Variants in RTN1 observed in about 807,000 individuals in gnomAD.
RTN1 encodes reticulon 1, also known as reticulon-1.
In RTN1, 25 loss-of-function variants were observed where a neutral mutation model predicts 65.5. That is an observed-to-expected ratio of 0.38 (90% CI 0.28 to 0.53). The LOEUF (loss-of-function observed/expected upper bound fraction) is 0.53, where lower values mean the gene tolerates loss of function less well. RTN1 is among the 20% of genes least tolerant of loss of function. RTN1 has a pLI of 0.79. For synonymous variants in RTN1, 471 were observed against 447.6 expected (o/e 1.05, Z -0.66); for missense variants, 983 against 1,025.4 (o/e 0.96, Z 0.57).
chr14:59,776,155 C>T (rs1214366815), intron 1 of RTN1, among the ~76,000 whole-genome samples: 1 of 152,078 alleles, frequency 6.6e-6, no homozygotes, highest in Non-Finnish European at 1.5e-5. Flanking sequence ...TTCTCTCCTT[C>T]TTCCTGACAA....
intron 1 of RTN1, among the ~76,000 whole-genome samples, chr14:59,804,469 C>G (rs1198294738): frequency 6.6e-6 from 1 of 152,084 alleles, no homozygotes; most frequent in East Asian, 1.9e-4. Flanking sequence ...GATTGTAAAT[C>G]TATATTCATA....
chr14:59,763,708 T>G (rs1269907606), intron 1 of RTN1, among the ~76,000 whole-genome samples: 1 of 151,952 alleles, frequency 6.6e-6, no homozygotes, highest in Non-Finnish European at 1.5e-5. Context: ...AATTTTTGTA[T>G]TTTTAGTAGA....
chr14:59,602,374 T>A (rs900701150), intron 8 of RTN1, among the ~76,000 whole-genome samples: 7 of 152,124 alleles, frequency 4.6e-5, no homozygotes, highest in Admixed American at 4.6e-4. Context: ...ATAAGAGCTA[T>A]CACTTTAGAT....
intron 3 of RTN1, among the ~76,000 whole-genome samples, chr14:59,712,729 T>C (rs1166300118): frequency 6.6e-6 from 1 of 152,076 alleles, no homozygotes; most frequent in Non-Finnish European, 1.5e-5. Flanking sequence ...CTGGGCAACA[T>C]GGTGAAACCC....
chr14:59,850,100 C>T (rs906089071), intron 1 of RTN1, among the ~76,000 whole-genome samples: 12 of 152,200 alleles, frequency 7.9e-5, no homozygotes, highest in African/African-American at 2.9e-4. Flanking sequence ...ACACTCATTA[C>T]TTTCTTCCTC....
rs557846612 is a variant in RTN1, at chr14:59,649,908, C to A, written c.1766-42416G>T. Among the ~76,000 whole-genome samples, 422 of 152,178 alleles carry A rather than the reference C, an allele frequency of 2.8e-3. 3 individuals are homozygous for A. The highest frequency in any genetic ancestry group is 1.0e-2 in the African/African-American group (415 of 41,514). On this transcript the variant is annotated intron_variant, in intron 3 of 8. Coordinates refer to ENST00000267484, the MANE Select transcript of RTN1 (RefSeq NM_021136.3). ...AGCAATCCCATTACTGGGTATATACCCAAAGGATTATAAATCATTCTACCA... is the reference window on the plus strand; with the variant it reads ...AGCAATCCCATTACTGGGTATATACACAAAGGATTATAAATCATTCTACCA...
At chr14:59,787,216 C>A (rs1251675951) in intron 1 of RTN1, among the ~76,000 whole-genome samples, 6 of 152,010 alleles carry the variant, frequency 3.9e-5, no homozygotes, top group Non-Finnish European at 5.9e-5. Flanking sequence ...GGAGCTGAGC[C>A]CCCCTAGGGG....
rs928657751 is a variant in RTN1, at chr14:59,610,067, G to T, written c.1766-2575C>A. On this transcript the variant is annotated intron_variant, in intron 3 of 8. Coordinates refer to ENST00000267484, the MANE Select transcript of RTN1 (RefSeq NM_021136.3). ...CCTGAAAGGAGTTTTCAGACAAAGA[G>T]AAGATAGAATTTGCTATTTTCAAGT... 1.7e-5 allele frequency: 13 copies of T among 764,258 alleles called. No individual in the cohort carries two copies. In the South Asian group the frequency reaches 1.8e-4, roughly 11 times the overall value. 47.3% of individuals were successfully genotyped at this position (764,258 alleles called of 1,614,324 possible).
intron 1 of RTN1, among the ~76,000 whole-genome samples, chr14:59,783,437 G>C (rs1886193035): frequency 6.6e-6 from 1 of 152,128 alleles, no homozygotes; most frequent in Admixed American, 6.6e-5. Context: ...AATTTTGGAA[G>C]GGATGGAAGA....
At chr14:59,696,395 C>T (rs1196980538) in intron 3 of RTN1, among the ~76,000 whole-genome samples, 1 of 152,030 alleles carries the variant, frequency 6.6e-6, no homozygotes, top group Admixed American at 6.6e-5. Context: ...AGGTCAGTAG[C>T]ATAACCCAAT....
At chr14:59,674,392 A>G (rs1438789430) in intron 3 of RTN1, among the ~76,000 whole-genome samples, 1 of 152,256 alleles carries the variant, frequency 6.6e-6, no homozygotes, top group African/African-American at 2.4e-5. Flanking sequence ...AAACTACAGT[A>G]ACAAGTGGGA....
intron 1 of RTN1, among the ~76,000 whole-genome samples, chr14:59,817,787 C>A (rs756162041): frequency 6.6e-6 from 1 of 152,160 alleles, no homozygotes; most frequent in Non-Finnish European, 1.5e-5. Context: ...CAGCACATTG[C>A]GTTTTCTCTA....
At chr14:59,851,901 T>C (rs933076672) in intron 1 of RTN1, among the ~76,000 whole-genome samples, 3 of 151,446 alleles carry the variant, frequency 2.0e-5, no homozygotes, top group Non-Finnish European at 4.4e-5. Context: ...TTTCTGAGAA[T>C]TGATATGCAA....
At chr14:59,660,793 A>G (rs1883227681) in intron 3 of RTN1, among the ~76,000 whole-genome samples, 1 of 152,158 alleles carries the variant, frequency 6.6e-6, no homozygotes, top group African/African-American at 2.4e-5. Context: ...GGAAAGACCT[A>G]AAATTTACAC....
intron 1 of RTN1, among the ~76,000 whole-genome samples, chr14:59,769,549 G>A (rs1885914445): frequency 6.6e-6 from 1 of 152,176 alleles, no homozygotes; most frequent in African/African-American, 2.4e-5. Flanking sequence ...TGTAAAACCA[G>A]ACCCACAGCA....
At chr14:59,857,252 C>T (rs537491264) in intron 1 of RTN1, among the ~76,000 whole-genome samples, 1 of 152,250 alleles carries the variant, frequency 6.6e-6, no homozygotes, top group East Asian at 1.9e-4. Context: ...GTCCTCTGTC[C>T]TTTCCATACT....
At chr14:59,597,906 C>G (rs189514499) in intron 8 of RTN1, among the ~76,000 whole-genome samples, 2 of 152,046 alleles carry the variant, frequency 1.3e-5, no homozygotes, top group Admixed American at 1.3e-4. Context: ...GGGGTATGGA[C>G]AGGGGAGGTC....
chr14:59,819,596 A>G (rs1302578130), intron 1 of RTN1, among the ~76,000 whole-genome samples: 4 of 151,668 alleles, frequency 2.6e-5, no homozygotes, highest in African/African-American at 9.7e-5. Flanking sequence ...GCGCTGCGCG[A>G]CCACTGTTGT....
chr14:59,867,995 A>G (rs1887827626), intron 1 of RTN1, among the ~76,000 whole-genome samples: 1 of 152,244 alleles, frequency 6.6e-6, no homozygotes, highest in Non-Finnish European at 1.5e-5. Context: ...ATAAGCCAAA[A>G]AAAAGTAAAT....
Sources: gnomAD v4.1 joint callset for allele counts (sites outside exome capture counted in the v4.1 genomes callset) on GRCh38, gnomAD v4.1.1 for gene constraint, MANE v1.5 for transcripts, NCBI Gene and HGNC (gene_info 2026-07-23, HGNC 2026-07-21) for gene names.